The following TENM2 variants were observed in gnomAD, a reference collection of about 807,000 sequenced individuals.
TENM2 encodes teneurin-2.
A neutral mutation model predicts 245.2 loss-of-function variants in TENM2; 52 were observed. That is an observed-to-expected ratio of 0.21 (90% CI 0.17 to 0.27). The LOEUF is 0.27. Ranked by LOEUF, TENM2 falls within the 10% of genes least tolerant of loss-of-function variation. The pLI, the probability that TENM2 is intolerant of heterozygous loss-of-function variation, is 1.00. For missense variants in TENM2, 3,046 were observed against 3,666.8 expected (o/e 0.83, Z 4.37); for synonymous variants, 1,363 against 1,438.9 (o/e 0.95, Z 1.19).
At chr5:168,160,704 C>A (rs115461732) in intron 12 of TENM2, among the ~76,000 whole-genome samples, 1,537 of 152,272 alleles carry the variant, frequency 0.01, 20 homozygotes, top group African/African-American at 0.035. Flanking sequence ...TGAGACCTTG[C>A]TTCTTAGGAA....
At chr5:167,152,635 T>A in the TENM2 span, among the ~76,000 whole-genome samples, 2 of 152,146 alleles carry the variant, frequency 1.3e-5, no homozygotes, top group African/African-American at 4.8e-5. Flanking sequence ...AGACTCCCAG[T>A]TGATACTTGA....
chr5:168,205,554 A>T (rs940977755), intron 19 of TENM2, among the ~76,000 whole-genome samples: 2 of 152,214 alleles, frequency 1.3e-5, no homozygotes, highest in African/African-American at 4.8e-5. Context: ...GTACTAGGTC[A>T]CGTTTGGCTA....
At chr5:168,219,320 G>T (rs929254990) in intron 23 of TENM2, among the ~76,000 whole-genome samples, 19 of 152,138 alleles carry the variant, frequency 1.2e-4, no homozygotes, top group Admixed American at 2.6e-4. Flanking sequence ...ATTCAAGTTT[G>T]CCATGGGTGC....
intron 2 of TENM2, among the ~76,000 whole-genome samples, chr5:167,801,265 T>C (rs1765749398): frequency 6.6e-6 from 1 of 151,546 alleles, no homozygotes; most frequent in South Asian, 2.1e-4. Flanking sequence ...AATTTATTTT[T>C]ATTACATTTT....
At chr5:167,322,034 G>T (rs1056519745) in intron 1 of TENM2, among the ~76,000 whole-genome samples, 1 of 151,754 alleles carries the variant, frequency 6.6e-6, no homozygotes, top group East Asian at 1.9e-4. Context: ...GTTTCACCTT[G>T]TTGGCCAGGC....
At chr5:167,301,626 A>G (rs1446539058) in intron 1 of TENM2, among the ~76,000 whole-genome samples, 1 of 152,172 alleles carries the variant, frequency 6.6e-6, no homozygotes, top group Non-Finnish European at 1.5e-5. Context: ...TAAAATGTAT[A>G]TTGAGCATAA....
chr5:167,766,619 G>T (rs996361506), intron 2 of TENM2, among the ~76,000 whole-genome samples: 7 of 152,172 alleles, frequency 4.6e-5, no homozygotes, highest in African/African-American at 1.7e-4. Flanking sequence ...GCTCATGCCT[G>T]TAATCCCAGC....
chr5:168,072,993 T>C (rs2152132237), intron 7 of TENM2, among the ~76,000 whole-genome samples: 1 of 152,224 alleles, frequency 6.6e-6, no homozygotes, highest in Non-Finnish European at 1.5e-5. Flanking sequence ...TCCTGTCTCC[T>C]CCCCATCCTT....
chr5:167,509,143 A>G (rs1480114626), intron 2 of TENM2, among the ~76,000 whole-genome samples: 4 of 152,136 alleles, frequency 2.6e-5, no homozygotes, highest in East Asian at 3.9e-4. Flanking sequence ...AGCGTGTGCT[A>G]TTTCTCATTG....
At chr5:168,240,573 A>G (rs1765993419) in intron 25 of TENM2, among the ~76,000 whole-genome samples, 1 of 152,092 alleles carries the variant, frequency 6.6e-6, no homozygotes, top group South Asian at 2.1e-4. Context: ...TGAGAATAAC[A>G]CTCAGCCTGT....
At chr5:167,116,035 T>C in the TENM2 span, among the ~76,000 whole-genome samples, 1 of 152,214 alleles carries the variant, frequency 6.6e-6, no homozygotes, top group East Asian at 1.9e-4. Flanking sequence ...GTCTGGCACA[T>C]GGTAAGCTCT....
chr5:167,200,077 A>T, the TENM2 span, among the ~76,000 whole-genome samples: 1 of 152,084 alleles, frequency 6.6e-6, no homozygotes, highest in Non-Finnish European at 1.5e-5. Context: ...TCGGATGAGG[A>T]TGAGCCAGCA....
chr5:167,922,540 T>A (rs2151643857), intron 3 of TENM2, among the ~76,000 whole-genome samples: 1 of 152,290 alleles, frequency 6.6e-6, no homozygotes, highest in Non-Finnish European at 1.5e-5. Context: ...TGTCTACCAC[T>A]CCACTCCCAT....
the TENM2 span, among the ~76,000 whole-genome samples, chr5:167,122,915 G>C: frequency 3.9e-5 from 6 of 152,164 alleles, no homozygotes; most frequent in African/African-American, 9.7e-5. Context: ...TGATATTGAT[G>C]TGGAGAGTAA....
At chr5:167,564,050 AC>A (rs1206729627) in intron 2 of TENM2, among the ~76,000 whole-genome samples, 3 of 152,220 alleles carry the variant, frequency 2.0e-5, no homozygotes, top group Admixed American at 6.5e-5. Flanking sequence ...AAGTGTGGGG[AC>A]CAAAAAGACA....
At chr5:167,463,548 G>T (rs1484157651) in intron 2 of TENM2, among the ~76,000 whole-genome samples, 1 of 151,742 alleles carries the variant, frequency 6.6e-6, no homozygotes, top group African/African-American at 2.4e-5. Context: ...GCCCAGGCTG[G>T]AGTGTAATGG....
chr5:167,985,708 G>A (rs1783193608), intron 4 of TENM2, among the ~76,000 whole-genome samples: 1 of 152,158 alleles, frequency 6.6e-6, no homozygotes, highest in Non-Finnish European at 1.5e-5. Flanking sequence ...TTTCCCCTGG[G>A]AATAAAGCCA....
At chr5:166,986,508 A>G in the TENM2 span, among the ~76,000 whole-genome samples, 1 of 152,220 alleles carries the variant, frequency 6.6e-6, no homozygotes, top group Non-Finnish European at 1.5e-5. Context: ...CGGCAAGGTT[A>G]GATTGTTATA....
intron 2 of TENM2, among the ~76,000 whole-genome samples, chr5:167,831,897 C>G (rs575491315): frequency 2.0e-5 from 3 of 151,970 alleles, no homozygotes; most frequent in Non-Finnish European, 4.4e-5. Flanking sequence ...CCACATGCAG[C>G]CGTGCAGTTA....
Sources: allele counts gnomAD v4.1 joint callset (sites outside exome capture counted in the v4.1 genomes callset), GRCh38; gene constraint gnomAD v4.1.1; transcripts MANE v1.5; gene names NCBI Gene and HGNC (gene_info 2026-07-23, HGNC 2026-07-21).